The following LZTR1 variants were observed in gnomAD, a reference collection of about 807,000 sequenced individuals.
The protein encoded by LZTR1 is leucine zipper like post translational regulator 1.
Under a neutral mutation model 105.7 loss-of-function variants are expected in LZTR1, and 260 were observed. The observed-to-expected ratio is 2.46, with a 90% CI of 2.22 to 2.72. The LOEUF (loss-of-function observed/expected upper bound fraction) is 2.72. Ranked by LOEUF, LZTR1 falls within the 30% of genes most tolerant of loss-of-function variation. LZTR1 has a pLI of 0.00. For synonymous variants in LZTR1, 490 were observed against 476.4 expected, an observed-to-expected ratio of 1.03 and a Z score of -0.37; for missense variants, 1,214 against 1,166.9, an observed-to-expected ratio of 1.04 and a Z score of -0.59.
rs1386086257 is a variant in LZTR1 at position 20,993,664 on chromosome 22, C to T, written c.1263C>T (p.Phe421=). ...IRSGEMYRFQ[F]SCYPKCTLHE... is the part of the protein sequence containing the mutation. Reference sequence around the variant, plus strand: ...GTCTCACTGGGCCCCTCTTGCAGTTCTCCTGTTACCCTAAATGCACGCTGC... The same window carrying T: ...GTCTCACTGGGCCCCTCTTGCAGTTTTCCTGTTACCCTAAATGCACGCTGC... Residue 421 remains phenylalanine (F), a splice_region_variant and synonymous_variant, in exon 12 of 21, where the codon TTC becomes TTT. Coordinates refer to ENST00000646124, the MANE Select transcript of LZTR1 (RefSeq NM_006767.4). 6.2e-7 allele frequency: 1 copy of T among 1,613,010 alleles called. No homozygotes were observed. The highest frequency in any genetic ancestry group is 2.2e-5 in the East Asian group (1 of 44,866).
chr22:20,986,527 CAGAT>C (rs1272809703), intron 3 of LZTR1: 3 of 151,746 alleles, frequency 2.0e-5, no homozygotes, highest in Non-Finnish European at 4.4e-5. Flanking sequence ...TGATAGATGA[CAGAT>C]CGATAGATAG....
In LZTR1 at chr22:20,994,870, G is replaced by C; in HGVS notation, c.1786G>C (p.Glu596Gln). Residue 596 changes from glutamate (E) to glutamine (Q), a missense_variant and splice_region_variant, in exon 16 of 21, where the codon GAG becomes CAG. By Grantham distance (29) the Glu-to-Gln change is conservative. Coordinates refer to ENST00000646124, the MANE Select transcript of LZTR1 (RefSeq NM_006767.4). ...GCCTGCCTGTGCCTGTCTGCCCCAGGAGCACTGCCTGAACTTCGTGGTAAA... is the reference window on the plus strand; with the variant it reads ...GCCTGCCTGTGCCTGTCTGCCCCAGCAGCACTGCCTGAACTTCGTGGTAAA... ...AARLQLSQLK[E>Q]HCLNFVVKES... 2 of 1,613,182 alleles carry C rather than the reference G, an allele frequency of 1.2e-6. No individual in the cohort carries two copies. Among genetic ancestry groups the C allele is most frequent in the Non-Finnish European group, 1.7e-6 (2 of 1,179,914 alleles).
At chr22:20,990,670 G>A in intron 8 of LZTR1, 145 bp downstream of exon 8, 6 of 849,412 alleles carry the variant, frequency 7.1e-6, no homozygotes, top group Non-Finnish European at 1.1e-5. Flanking sequence ...GCCCGGAGCA[G>A]GGATGTGCGG....
chr22:20,993,778 G>A, intron 12 of LZTR1, 24 bp downstream of exon 12: 12 of 1,601,486 alleles, frequency 7.5e-6, no homozygotes, highest in Non-Finnish European at 1.0e-5. Context: ...CTCGCACCCT[G>A]CTCTGCCTGC....
chr22:20,997,550 G>A lies in LZTR1; in HGVS notation c.*202G>A. 1.8e-6 allele frequency: 1 copy of A among 545,840 alleles called. No individual in the cohort carries two copies. Among genetic ancestry groups the A allele is most frequent in the Non-Finnish European group, 3.3e-6 (1 of 302,286 alleles). 33.8% of individuals were successfully genotyped at this position (545,840 alleles called of 1,614,324 possible). On this transcript the variant is annotated 3_prime_UTR_variant, in exon 21 of 21. Coordinates refer to ENST00000646124, the MANE Select transcript of LZTR1 (RefSeq NM_006767.4). ...TCACTGAAGACACAGGTCCCACAGGGAGCGGATGATGAAGCAGACCCCCTC... is the reference window on the plus strand; with the variant it reads ...TCACTGAAGACACAGGTCCCACAGGAAGCGGATGATGAAGCAGACCCCCTC...
chr22:20,993,005 C>T (rs573002559), intron 11 of LZTR1, 101 bp downstream of exon 11: 13 of 785,746 alleles, frequency 1.7e-5, no homozygotes, highest in Admixed American at 2.6e-5. Flanking sequence ...AGGCCATTGC[C>T]AGGGCCACAC....
intron 2 of LZTR1, among the ~76,000 whole-genome samples, chr22:20,985,340 G>A (rs532033692): frequency 2.0e-5 from 3 of 152,148 alleles, no homozygotes; most frequent in Non-Finnish European, 4.4e-5. Flanking sequence ...GATTACAGGC[G>A]TGAGCCACCG....
In LZTR1 at chr22:20,993,709, G is replaced by A. The variant is rs2147966722; in HGVS notation, c.1308G>A (p.Leu436=). Residue 436 remains leucine (L), a synonymous_variant, in exon 12 of 21, where the codon CTG becomes CTA. Coordinates refer to ENST00000646124, the MANE Select transcript of LZTR1 (RefSeq NM_006767.4). ...KCTLHEDYGR[L]WESRQFCDVE... ...CGCTGCACGAGGACTACGGGCGGCTGTGGGAGAGCCGCCAGTTCTGCGACG... is the reference window on the plus strand; with the variant it reads ...CGCTGCACGAGGACTACGGGCGGCTATGGGAGAGCCGCCAGTTCTGCGACG... 2 of 1,613,510 alleles carry A rather than the reference G, an allele frequency of 1.2e-6. No homozygotes were observed. The highest frequency in any genetic ancestry group is 1.3e-5 in the African/African-American group (1 of 75,068).
chr22:20,989,127 C>G (rs980523352), intron 6 of LZTR1, among the ~76,000 whole-genome samples: 1 of 152,068 alleles, frequency 6.6e-6, no homozygotes, highest in Non-Finnish European at 1.5e-5. Context: ...AGTTGCCCTG[C>G]GGAGCTGAGT....
chr22:20,988,988 A>G, intron 6 of LZTR1, 116 bp downstream of exon 6: 2 of 874,694 alleles, frequency 2.3e-6, no homozygotes, highest in Admixed American at 1.9e-5. Context: ...GTGGATTTTG[A>G]GTGCCACTCT....
rs777465157 is a variant in LZTR1, at chr22:20,994,960, G to C, written c.1876G>C (p.Val626Leu). ...EFERLSSPLI[V>L]EIVRRKQQPP... Reference sequence around the variant, plus strand: ...CGAGCGCCTCTCCTCTCCACTGATAGTGGAGATTGTGCGGCGGAAGCAGCA... The same window carrying C: ...CGAGCGCCTCTCCTCTCCACTGATACTGGAGATTGTGCGGCGGAAGCAGCA... The change falls in exon 16 of 21, where the codon GTG (valine) becomes CTG (leucine). Residue 626 changes from valine (V) to leucine (L), a missense_variant. By Grantham distance (32) the Val-to-Leu change is conservative. Transcript: ENST00000646124. 6.2e-7 allele frequency: 1 copy of C among 1,613,300 alleles called. No individual in the cohort carries two copies. The highest frequency in any genetic ancestry group is 1.1e-5 in the South Asian group (1 of 91,088).
rs2147967476 is a variant in LZTR1 at position 20,994,258 on chromosome 22, ACC to A, written c.1606_1607del (p.Pro536ThrfsTer132). 6.3e-7 allele frequency: 1 copy of A among 1,597,902 alleles called. No individual in the cohort carries two copies. The highest frequency in any genetic ancestry group is 1.1e-5 in the South Asian group (1 of 91,002). On this transcript the variant is annotated frameshift_variant, in exon 14 of 21. Transcript: ENST00000646124. LOFTEE classifies it high-confidence loss of function. ...TTCCTCTACACCGACAAGATCAAAT[ACC>A]CACGGAAAGGTCCGCCTGGGTGGGG...
chr22:20,991,142 T>A (rs532826115), intron 8 of LZTR1: 1 of 165,838 alleles, frequency 6.0e-6, no homozygotes. Flanking sequence ...TCAGCTAACT[T>A]AGCAAAAGAG....
chr22:20,982,469 G>C lies in LZTR1; in HGVS notation c.98G>C (p.Ser33Thr), dbSNP rs769390243. 3 of 1,609,420 alleles carry C rather than the reference G, an allele frequency of 1.9e-6. No individual in the cohort carries two copies. The South Asian group carries it at 3.3e-5, about 18-fold the overall frequency. ...GCCCCGAGCGTGGACTTCGACCATA[G>C]CTGCTCGGACAGTGTCGAGTACCTG... Reference protein sequence around the residue: ...KVAPSVDFDHSCSDSVEYLTL... With the variant: ...KVAPSVDFDHTCSDSVEYLTL... The change falls in exon 1 of 21, where the codon AGC becomes ACC. Residue 33 changes from serine (S) to threonine (T), a missense_variant. Transcript: ENST00000646124.
At chr22:20,993,902 CA>C (rs1425210910) in intron 12 of LZTR1, 21 bp from the exon 13 acceptor site, 14 of 1,605,694 alleles carry the variant, frequency 8.7e-6, no homozygotes, top group Admixed American at 5.0e-5. Flanking sequence ...TGCCCTCTGC[CA>C]GTGCATCATT....
intron 8 of LZTR1, chr22:20,990,853 A>C (rs1056336047): frequency 3.9e-6 from 1 of 253,274 alleles, no homozygotes; most frequent in Non-Finnish European, 7.6e-6. Context: ...TAATGGCAGA[A>C]GACCAGAGGG....
rs571884873 is a variant in LZTR1, at chr22:20,997,547, A to G, written c.*199A>G. On this transcript the variant is annotated 3_prime_UTR_variant, in exon 21 of 21. Transcript: ENST00000646124. ...AATTCACTGAAGACACAGGTCCCAC[A>G]GGGAGCGGATGATGAAGCAGACCCC... 1.5e-5 allele frequency: 8 copies of G among 550,488 alleles called. No individual in the cohort carries two copies. The highest frequency in any genetic ancestry group is 8.4e-5 in the South Asian group (4 of 47,888). The allele number at this position is 550,488 out of a possible 1,614,324, so 34.1% of individuals were successfully genotyped here.
rs1924816997 is a variant in LZTR1 at position 20,995,801 on chromosome 22, C to G, written c.1998C>G (p.Phe666Leu). The G allele has an allele frequency of 6.2e-7, 1 of 1,613,454 alleles. No individual in the cohort carries two copies. Among genetic ancestry groups the G allele is most frequent in the African/African-American group, 1.3e-5 (1 of 74,884 alleles). ...KAYLEGAGAE[F>L]CDITLLLDGH... ...ACCTGGAGGGAGCGGGCGCGGAATTCTGTGACATCACTCTGTTGCTTGACG... is the reference window on the plus strand; with the variant it reads ...ACCTGGAGGGAGCGGGCGCGGAATTGTGTGACATCACTCTGTTGCTTGACG... The change falls in exon 17 of 21, where the codon TTC (phenylalanine) becomes TTG (leucine). Residue 666 changes from phenylalanine (F) to leucine (L), a missense_variant. Transcript: ENST00000646124.
At chr22:20,989,531 TG>T in intron 6 of LZTR1, 93 bp from the exon 7 acceptor site, 2 of 986,932 alleles carry the variant, frequency 2.0e-6, no homozygotes, top group South Asian at 1.3e-5. Flanking sequence ...TGTGTGGGGG[TG>T]GGGCTCCTCC....
Sources: gnomAD v4.1 joint callset for allele counts (sites outside exome capture counted in the v4.1 genomes callset) on GRCh38, gnomAD v4.1.1 for gene constraint, MANE v1.5 for transcripts, NCBI Gene and HGNC (gene_info 2026-07-23, HGNC 2026-07-21) for gene names.